The following CNR2 variants were observed in gnomAD, a reference collection of about 807,000 sequenced individuals.
CNR2 encodes the protein cannabinoid receptor 2.
For missense variants in CNR2, 379 were observed against 439.9 expected, an observed-to-expected ratio of 0.86 and a Z score of 1.24; for synonymous variants, 172 against 182.2, an observed-to-expected ratio of 0.94 and a Z score of 0.45.
intron 1 of CNR2, among the ~76,000 whole-genome samples, chr1:23,909,098 A>T (rs1039913029): frequency 7.2e-5 from 11 of 151,992 alleles, no homozygotes; most frequent in Admixed American, 2.0e-4. Flanking sequence ...GCTCACCCAC[A>T]TCCTCCCCGA....
chr1:23,909,389 T>A (rs760448642), intron 1 of CNR2, among the ~76,000 whole-genome samples: 9 of 152,176 alleles, frequency 5.9e-5, no homozygotes, highest in Non-Finnish European at 1.2e-4. Flanking sequence ...CCCTGCAGCA[T>A]AGCTGGGGAC....
chr1:23,892,781 C>T (rs185479961), intron 1 of CNR2, among the ~76,000 whole-genome samples: 33 of 152,160 alleles, frequency 2.2e-4, no homozygotes, highest in African/African-American at 7.5e-4. Flanking sequence ...TTTGGGAGGC[C>T]GAGGCAGGCG....
intron 1 of CNR2, among the ~76,000 whole-genome samples, chr1:23,898,531 C>T (rs1156468053): frequency 6.7e-5 from 10 of 148,814 alleles, no homozygotes; most frequent in Admixed American, 2.0e-4. Context: ...TTAGTAGAGA[C>T]GGGGTTTCAC....
At chr1:23,890,694 G>A (rs1485179575) in intron 1 of CNR2, among the ~76,000 whole-genome samples, 7 of 150,714 alleles carry the variant, frequency 4.6e-5, no homozygotes, top group Non-Finnish European at 1.0e-4. Flanking sequence ...GCAGTGAGCC[G>A]AGATCGCGCC....
intron 1 of CNR2, chr1:23,902,786 T>C (rs6680554): frequency 0.98 from 1,408,905 of 1,441,350 alleles, 691,089 homozygotes; most frequent in East Asian, 1. Context: ...AAGTGTGGGC[T>C]GCGCGGGCGC....
At chr1:23,900,537 A>C (rs1570719273) in intron 1 of CNR2, among the ~76,000 whole-genome samples, 5 of 115,794 alleles carry the variant, frequency 4.3e-5, no homozygotes, top group Admixed American at 1.1e-4. Flanking sequence ...AGACAGTTTC[A>C]CTCTTGTTGC....
At chr1:23,889,017 A>G (rs1265843835) in intron 1 of CNR2, among the ~76,000 whole-genome samples, 1 of 152,052 alleles carries the variant, frequency 6.6e-6, no homozygotes, top group East Asian at 1.9e-4. Flanking sequence ...AAAGTGAACC[A>G]CCATGACCAA....
chr1:23,910,070 C>G (rs1260541740), intron 1 of CNR2, among the ~76,000 whole-genome samples: 1 of 151,832 alleles, frequency 6.6e-6, no homozygotes, highest in Non-Finnish European at 1.5e-5. Flanking sequence ...CACCTCAGCC[C>G]CCTGAGTAGC....
In CNR2 at chr1:23,875,671, C is replaced by A; in HGVS notation, c.-45-9G>T. 1 of 1,522,178 alleles carries A rather than the reference C, an allele frequency of 6.6e-7. No homozygotes were observed. Among genetic ancestry groups the A allele is most frequent in the Non-Finnish European group, 8.8e-7 (1 of 1,136,040 alleles). 94.3% of individuals were successfully genotyped at this position (1,522,178 alleles called of 1,614,324 possible). The stretch of plus-strand genomic sequence containing the variant: ...TTGTCTAGAAGGCTTTGCTGCAGTA[C>A]AATGAGAAGAAGAAAATAATCTTTT... On this transcript the variant is annotated splice_polypyrimidine_tract_variant and intron_variant, in intron 1 of 1. Coordinates refer to ENST00000374472, the MANE Select transcript of CNR2 (RefSeq NM_001841.3).
At chr1:23,906,529 C>T (rs1570723635) in intron 1 of CNR2, among the ~76,000 whole-genome samples, 1 of 132,236 alleles carries the variant, frequency 7.6e-6, no homozygotes, top group African/African-American at 2.8e-5. Flanking sequence ...GTTTTCCTAT[C>T]TTTCTTTTTT....
At chr1:23,906,546 CTTTT>C (rs55955111) in intron 1 of CNR2, among the ~76,000 whole-genome samples, 1 of 132,372 alleles carries the variant, frequency 7.6e-6, no homozygotes, top group Non-Finnish European at 1.6e-5. Flanking sequence ...TTTTTTCTTT[CTTTT>C]TTTTTTTTTA....
intron 1 of CNR2, among the ~76,000 whole-genome samples, chr1:23,878,125 G>C (rs1019387594): frequency 1.3e-5 from 2 of 152,082 alleles, no homozygotes; most frequent in African/African-American, 4.8e-5. Context: ...GAAAACTGGT[G>C]GTGGGCAATA....
At chr1:23,910,430 G>A (rs1313419731) in intron 1 of CNR2, among the ~76,000 whole-genome samples, 3 of 151,294 alleles carry the variant, frequency 2.0e-5, no homozygotes, top group African/African-American at 4.9e-5. Flanking sequence ...AAACAAGAGC[G>A]GATCACCTGA....
chr1:23,894,773 A>AGG (rs56655698), intron 1 of CNR2, among the ~76,000 whole-genome samples: 1 of 148,740 alleles, frequency 6.7e-6, no homozygotes, highest in Non-Finnish European at 1.5e-5. Flanking sequence ...CTCAAAAAAA[A>AGG]AAAGAAAGAA....
chr1:23,906,503 C>G (rs1383308862), intron 1 of CNR2, among the ~76,000 whole-genome samples: 1 of 120,912 alleles, frequency 8.3e-6, no homozygotes, highest in Non-Finnish European at 1.7e-5. Context: ...AAATTTTTCT[C>G]TAACTTTTTT....
At chr1:23,884,912 G>A (rs926859598) in intron 1 of CNR2, among the ~76,000 whole-genome samples, 2 of 151,170 alleles carry the variant, frequency 1.3e-5, no homozygotes, top group African/African-American at 4.9e-5. Context: ...GCGGTTCTCC[G>A]GCCTCAGCCT....
intron 1 of CNR2, among the ~76,000 whole-genome samples, chr1:23,877,939 C>T (rs1198622031): frequency 1.1e-4 from 16 of 147,130 alleles, no homozygotes; most frequent in Admixed American, 2.7e-4. Context: ...GCAGCCTGGG[C>T]GATAAGAGTG....
At chr1:23,884,547 C>T (rs1328327657) in intron 1 of CNR2, among the ~76,000 whole-genome samples, 4 of 151,446 alleles carry the variant, frequency 2.6e-5, no homozygotes, top group African/African-American at 9.7e-5. Context: ...CTCAAATGAT[C>T]CACCCGATTC....
At chr1:23,908,788 C>G (rs1423197320) in intron 1 of CNR2, among the ~76,000 whole-genome samples, 3 of 152,164 alleles carry the variant, frequency 2.0e-5, no homozygotes, top group Non-Finnish European at 4.4e-5. Flanking sequence ...AGGACCCAAA[C>G]AGACCCAGGG....
Sources: allele counts gnomAD v4.1 joint callset (sites outside exome capture counted in the v4.1 genomes callset), GRCh38; gene constraint gnomAD v4.1.1; transcripts MANE v1.5; gene names NCBI Gene and HGNC (gene_info 2026-07-23, HGNC 2026-07-21).